Variants in SNX29 observed in about 807,000 individuals in gnomAD.
The protein encoded by SNX29 is sorting nexin 29, also known as sorting nexin-29.
Under a neutral mutation model 102.1 loss-of-function variants are expected in SNX29, and 78 were observed. The ratio of observed to expected loss-of-function variants is 0.76; its 90% CI spans 0.64 to 0.92. The LOEUF (loss-of-function observed/expected upper bound fraction) is 0.92. Among genes scored for constraint, SNX29 ranks in the 40% least tolerant of loss-of-function variants. The pLI, the probability that SNX29 is intolerant of heterozygous loss-of-function variation, is 0.00. For missense variants in SNX29, 1,280 were observed against 1,061.7 expected, an observed-to-expected ratio of 1.21 and a Z score of -2.86; for synonymous variants, 580 against 414.5, an observed-to-expected ratio of 1.40 and a Z score of -4.85.
intron 1 of SNX29, chr16:11,983,567 C>A: frequency 2.6e-6 from 2 of 779,232 alleles, no homozygotes; most frequent in Non-Finnish European, 3.1e-6. Context: ...CTTGTGAAGG[C>A]ACTGGATTGA....
intron 18 of SNX29, among the ~76,000 whole-genome samples, chr16:12,404,428 C>T (rs1354409378): frequency 1.3e-5 from 2 of 152,156 alleles, no homozygotes; most frequent in African/African-American, 2.4e-5. Flanking sequence ...TCTCTTACCA[C>T]GGACTCTGAT....
Position 12,542,587 on chromosome 16 carries a change from C to G in SNX29, c.2318+17746C>G, listed in dbSNP as rs374622390. ...CCTCAAGTGATCCACCCGCCTCAGC[C>G]TCCCAAAGTGCTGGGATTACAGGCG... On this transcript the variant is annotated intron_variant, in intron 20 of 20. Coordinates refer to ENST00000566228, the MANE Select transcript of SNX29 (RefSeq NM_032167.5). Among the ~76,000 whole-genome samples the G allele has an allele frequency of 6.6e-5, 10 of 152,214 alleles. No homozygotes were observed. In the East Asian group the frequency reaches 1.9e-3, roughly 29 times the overall value.
chr16:12,015,822 C>G (rs147428639), intron 3 of SNX29, among the ~76,000 whole-genome samples: 1 of 151,150 alleles, frequency 6.6e-6, no homozygotes. Flanking sequence ...GGCGCCTGAG[C>G]CACTGTGCCC....
intron 18 of SNX29, among the ~76,000 whole-genome samples, chr16:12,459,110 T>C (rs1273307263): frequency 1.0e-5 from 1 of 98,462 alleles, no homozygotes; most frequent in South Asian, 4.5e-4. Flanking sequence ...CGTTTCACTC[T>C]CCCCTCCTCC....
At position 12,038,546 on chromosome 16, in the gene SNX29, G is replaced by A. The variant is rs549149192; in HGVS notation, c.248-4351G>A. Among the ~76,000 whole-genome samples the A allele has an allele frequency of 1.6e-4, 24 of 152,218 alleles. No homozygotes were observed. In the East Asian group the frequency reaches 2.7e-3, roughly 17 times the overall value. On this transcript the variant is annotated intron_variant, in intron 4 of 20. Coordinates refer to ENST00000566228, the MANE Select transcript of SNX29 (RefSeq NM_032167.5). ...AGTGTATATCCCTAAATTAAATTAC[G>A]GACACCGCAGGCGCTAATTGGCAGG...
chr16:12,366,695 A>G (rs2082496015), intron 16 of SNX29, among the ~76,000 whole-genome samples: 1 of 141,488 alleles, frequency 7.1e-6, no homozygotes, highest in African/African-American at 2.6e-5. Context: ...ATTTTCTCCC[A>G]CTCTCTCCAT....
intron 10 of SNX29, among the ~76,000 whole-genome samples, chr16:12,077,665 G>C (rs914801776): frequency 3.3e-5 from 5 of 152,054 alleles, no homozygotes; most frequent in African/African-American, 1.2e-4. Flanking sequence ...TTTTGCCCGG[G>C]GCTGGAGTGC....
At chr16:12,505,145 G>A (rs1196969358) in intron 19 of SNX29, among the ~76,000 whole-genome samples, 1 of 152,212 alleles carries the variant, frequency 6.6e-6, no homozygotes, top group Admixed American at 6.5e-5. Flanking sequence ...GACTCCTACT[G>A]TGAATGTTTT....
intron 16 of SNX29, among the ~76,000 whole-genome samples, chr16:12,380,500 A>G (rs2083046457): frequency 9.8e-6 from 1 of 102,210 alleles, no homozygotes; most frequent in Non-Finnish European, 2.1e-5. Context: ...CCATCCACCT[A>G]TCCACCTACC....
At chr16:12,514,394 C>A (rs1165106985) in intron 19 of SNX29, among the ~76,000 whole-genome samples, 1 of 152,176 alleles carries the variant, frequency 6.6e-6, no homozygotes, top group Non-Finnish European at 1.5e-5. Context: ...TCAGGCTCCT[C>A]CCTGCCCTGG....
In SNX29 at chr16:12,495,403, T is replaced by C. The variant is rs577099037; in HGVS notation, c.2178+17544T>C. On this transcript the variant is annotated intron_variant, in intron 19 of 20. Transcript: ENST00000566228. ...CCTCAAGTGATCCACCCGCCTCAAC[T>C]TCCCCAAGTGCTGGGATTACAGGTG... Among the ~76,000 whole-genome samples the C allele has an allele frequency of 5.9e-5, 9 of 152,198 alleles. No individual in the cohort carries two copies. The East Asian group carries it at 1.7e-3, about 29-fold the overall frequency.
At chr16:12,431,434 C>CTTCTTTTTTTTTTTTTTTTTT (rs779738786) in intron 18 of SNX29, among the ~76,000 whole-genome samples, 1 of 136,952 alleles carries the variant, frequency 7.3e-6, no homozygotes, top group Non-Finnish European at 1.6e-5. Flanking sequence ...TCTTCTTCTT[C>CTTCTTTTTTTTTTTTTTTTTT]TTTTTTTTTT....
chr16:12,254,890 T>TA (rs1055699665), intron 14 of SNX29, among the ~76,000 whole-genome samples: 7 of 151,150 alleles, frequency 4.6e-5, no homozygotes, highest in African/African-American at 1.7e-4. Flanking sequence ...GATGAGAGAG[T>TA]AGGAGAGGGG....
At chr16:12,561,511 A>T (rs572979464) in intron 20 of SNX29, among the ~76,000 whole-genome samples, 1 of 152,160 alleles carries the variant, frequency 6.6e-6, no homozygotes, top group African/African-American at 2.4e-5. Flanking sequence ...CACAGGTGAA[A>T]CAAAGTGAAA....
At chr16:12,512,892 C>G (rs1201008834) in intron 19 of SNX29, among the ~76,000 whole-genome samples, 2 of 152,132 alleles carry the variant, frequency 1.3e-5, no homozygotes, top group Non-Finnish European at 1.5e-5. Context: ...CTCCCCTCCT[C>G]CCTCCTTCCC....
chr16:12,371,390 C>T (rs2082676953), intron 16 of SNX29, among the ~76,000 whole-genome samples: 1 of 152,134 alleles, frequency 6.6e-6, no homozygotes, highest in Admixed American at 6.5e-5. Flanking sequence ...CCTCAAACTC[C>T]TGGGCTCAGC....
intron 1 of SNX29, among the ~76,000 whole-genome samples, chr16:11,978,212 A>G (rs371732456): frequency 1.0e-3 from 159 of 152,320 alleles, no homozygotes; most frequent in African/African-American, 3.6e-3. Flanking sequence ...GTTGCAAATC[A>G]AATGATTTTA....
intron 18 of SNX29, among the ~76,000 whole-genome samples, chr16:12,413,633 TACG>T (rs2084499494): frequency 6.6e-6 from 1 of 152,082 alleles, no homozygotes; most frequent in African/African-American, 2.4e-5. Flanking sequence ...TGTTCAGTGG[TACG>T]CTGCTGTGCA....
intron 20 of SNX29, among the ~76,000 whole-genome samples, chr16:12,527,597 A>G (rs773257780): frequency 3.3e-5 from 5 of 152,092 alleles, no homozygotes; most frequent in African/African-American, 4.8e-5. Context: ...TGGAGAGCCA[A>G]TGAAATCTAT....
Sources: gnomAD v4.1 joint callset for allele counts (sites outside exome capture counted in the v4.1 genomes callset) on GRCh38, gnomAD v4.1.1 for gene constraint, MANE v1.5 for transcripts, NCBI Gene and HGNC (gene_info 2026-07-23, HGNC 2026-07-21) for gene names.